The following DHX15 variants were observed in gnomAD, a reference collection of about 807,000 sequenced individuals.
DHX15 encodes the protein ATP-dependent RNA helicase DHX15.
A neutral mutation model predicts 94.4 loss-of-function variants in DHX15; 11 were observed. That is an observed-to-expected ratio of 0.12 (90% CI 0.07 to 0.19). The LOEUF (loss-of-function observed/expected upper bound fraction) is 0.19, where lower values mean the gene tolerates loss of function less well. Ranked by LOEUF, DHX15 falls within the 10% of genes least tolerant of loss-of-function variation. The probability of loss-of-function intolerance (pLI) is 1.00; values close to 1 mark genes in which losing one functional copy is unlikely to be tolerated. For synonymous variants in DHX15, 338 were observed against 329.9 expected (o/e 1.02, Z -0.27); for missense variants, 304 against 988.5 (o/e 0.31, Z 9.29).
chr4:24,558,942 A>G (rs930312417), intron 3 of DHX15, among the ~76,000 whole-genome samples: 25 of 152,132 alleles, frequency 1.6e-4, no homozygotes, highest in African/African-American at 5.8e-4. Context: ...AAAGGAACCC[A>G]TTGTACGTAC....
At chr4:24,554,649 G>T in intron 5 of DHX15, 76 bp downstream of exon 5, 1 of 1,085,968 alleles carries the variant, frequency 9.2e-7, no homozygotes, top group Non-Finnish European at 1.4e-6. Context: ...TGATTAACAT[G>T]TTCTTATGAT....
chr4:24,548,115 T>A (rs1225229164), intron 6 of DHX15, among the ~76,000 whole-genome samples: 1 of 149,024 alleles, frequency 6.7e-6, no homozygotes, highest in Non-Finnish European at 1.5e-5. Context: ...GGAACTCACA[T>A]ACTTATGCAG....
chr4:24,582,338 G>C (rs1225783768), intron 1 of DHX15, among the ~76,000 whole-genome samples: 1 of 152,174 alleles, frequency 6.6e-6, no homozygotes, highest in Non-Finnish European at 1.5e-5. Flanking sequence ...GCTACCATTA[G>C]ACTCCAAAAG....
Position 24,549,651 on chromosome 4 carries a change from T to C in DHX15, c.1081-629A>G, listed in dbSNP as rs755696864. ...TTCTGTTGTTGTGTAAACATTCTAG[T>C]GTATTCACGAACCTAAACTGTATAG... On this transcript the variant is annotated intron_variant, in intron 5 of 13. Coordinates refer to ENST00000336812, the MANE Select transcript of DHX15 (RefSeq NM_001358.3). Among the ~76,000 whole-genome samples the C allele has an allele frequency of 5.9e-5, 9 of 152,226 alleles. No individual in the cohort carries two copies. In the East Asian group the frequency reaches 1.5e-3, roughly 26 times the overall value.
intron 5 of DHX15, among the ~76,000 whole-genome samples, chr4:24,552,014 C>T (rs1386253099): frequency 6.6e-6 from 1 of 152,164 alleles, no homozygotes; most frequent in Non-Finnish European, 1.5e-5. Flanking sequence ...TGGAAGAAAT[C>T]CCGTAACACT....
At chr4:24,584,233 G>A (rs1393132723) in intron 1 of DHX15, 90 bp downstream of exon 1, 1 of 1,323,778 alleles carries the variant, frequency 7.6e-7, no homozygotes, top group East Asian at 2.6e-5. Flanking sequence ...CGGGCTCCAG[G>A]ACCCGCTCGG....
intron 3 of DHX15, among the ~76,000 whole-genome samples, chr4:24,569,426 A>C (rs1722067648): frequency 6.6e-6 from 1 of 151,970 alleles, no homozygotes. Flanking sequence ...CCACAACTCT[A>C]CTAAAGATAC....
chr4:24,580,510 CTTT>C (rs36034914), intron 1 of DHX15, among the ~76,000 whole-genome samples: 19 of 139,274 alleles, frequency 1.4e-4, no homozygotes, highest in Admixed American at 2.1e-4. Flanking sequence ...ATAAGCATTG[CTTT>C]TTTTTTTTTT....
chr4:24,574,808 A>G (rs1260180649), intron 2 of DHX15, among the ~76,000 whole-genome samples: 1 of 152,206 alleles, frequency 6.6e-6, no homozygotes, highest in Admixed American at 6.5e-5. Context: ...CCAAATATCA[A>G]TTAAATAGTA....
Position 24,584,349 on chromosome 4 carries a change from A to T in DHX15, c.45T>A (p.Ser15=). ...HRLDLGEDYP[S]GKKRAGTDGK... ...CATCGGTCCCCGCACGCTTCTTGCC[A>T]GAGGGGTAATCCTCCCCTAGGTCCA... Residue 15 remains serine (S), a synonymous_variant, in exon 1 of 14, where the codon TCT becomes TCA. Transcript: ENST00000336812. The T allele has an allele frequency of 2.5e-6, 4 of 1,613,150 alleles. No homozygotes were observed. Among genetic ancestry groups the T allele is most frequent in the Non-Finnish European group, 3.4e-6 (4 of 1,179,640 alleles).
chr4:24,536,242 A>G (rs1020900189), intron 11 of DHX15, among the ~76,000 whole-genome samples: 30 of 152,218 alleles, frequency 2.0e-4, no homozygotes, highest in Admixed American at 1.9e-3. Context: ...TGTCTACAGC[A>G]TAACTCACAA....
chr4:24,536,962 G>A (rs994423585), intron 11 of DHX15, 89 bp downstream of exon 11: 14 of 1,398,892 alleles, frequency 1.0e-5, no homozygotes, highest in Middle Eastern at 2.5e-4. Flanking sequence ...AAGTTGTCAC[G>A]GATAATAAAT....
intron 9 of DHX15, 86 bp downstream of exon 9, chr4:24,540,754 T>C (rs932595214): frequency 5.6e-6 from 4 of 708,754 alleles, no homozygotes; most frequent in Non-Finnish European, 9.4e-6. Flanking sequence ...ATGTATTTAA[T>C]ACATATATTA....
At chr4:24,562,703 C>T (rs1445324811) in intron 3 of DHX15, among the ~76,000 whole-genome samples, 1 of 152,144 alleles carries the variant, frequency 6.6e-6, no homozygotes, top group Admixed American at 6.5e-5. Flanking sequence ...ACACATAATC[C>T]TGTCTCCATC....
chr4:24,553,481 A>T (rs1338184474), intron 5 of DHX15, among the ~76,000 whole-genome samples: 1 of 151,940 alleles, frequency 6.6e-6, no homozygotes, highest in Non-Finnish European at 1.5e-5. Flanking sequence ...GCCATCAAAA[A>T]AGCATTTTGG....
chr4:24,558,554 T>C (rs1721792243), intron 3 of DHX15, among the ~76,000 whole-genome samples: 2 of 152,178 alleles, frequency 1.3e-5, no homozygotes, highest in South Asian at 4.1e-4. Context: ...TGTGCTTTAT[T>C]AACTATGCAT....
At position 24,576,592 on chromosome 4, in the gene DHX15, C is replaced by T. The variant is rs763300420; in HGVS notation, c.158G>A (p.Arg53Lys). ...ERDRGDRERE[R>K]EKEKEKELRA... is the part of the protein sequence containing the mutation. Reference sequence around the variant, plus strand: ...CAACTCCTTCTCCTTTTCTTTCTCCCTCTCTCGCTCTCTATCTCCTCTATC... The same window carrying T: ...CAACTCCTTCTCCTTTTCTTTCTCCTTCTCTCGCTCTCTATCTCCTCTATC... Residue 53 changes from arginine to lysine, a missense_variant, in exon 2 of 14, where the codon AGG becomes AAG. Physicochemically the swap from Arg to Lys is conservative, Grantham distance 26. Transcript: ENST00000336812. 1.2e-6 allele frequency: 2 copies of T among 1,613,996 alleles called. No homozygotes were observed. Among genetic ancestry groups the T allele is most frequent in the Non-Finnish European group, 8.5e-7 (1 of 1,180,014 alleles).
chr4:24,562,131 CAAAAA>C (rs71196191), intron 3 of DHX15, among the ~76,000 whole-genome samples: 5 of 77,822 alleles, frequency 6.4e-5, no homozygotes, highest in African/African-American at 1.5e-4. Context: ...GACACTGTCT[CAAAAA>C]AAAAAAAAAA....
chr4:24,562,906 G>A, intron 3 of DHX15, among the ~76,000 whole-genome samples: 1 of 152,114 alleles, frequency 6.6e-6, no homozygotes, highest in East Asian at 1.9e-4. Context: ...CATTCCAAAA[G>A]ATTGAACTGT....
Sources: allele counts gnomAD v4.1 joint callset (sites outside exome capture counted in the v4.1 genomes callset), GRCh38; gene constraint gnomAD v4.1.1; transcripts MANE v1.5; gene names NCBI Gene and HGNC (gene_info 2026-07-23, HGNC 2026-07-21).